The following RIT2 variants were observed in gnomAD, a reference collection of about 807,000 sequenced individuals.
The protein encoded by RIT2 is Ras like without CAAX 2.
RIT2 carries 24 observed loss-of-function variants against 23.7 expected under a neutral mutation model. That is an observed-to-expected ratio of 1.01 (90% CI 0.73 to 1.43). The LOEUF is 1.43. Ranked by LOEUF, RIT2 falls within the 40% of genes most tolerant of loss-of-function variation. RIT2 has a pLI of 0.00. For synonymous variants in RIT2, 107 were observed against 91.1 expected (o/e 1.17, Z -0.99); for missense variants, 236 against 266.9 (o/e 0.88, Z 0.81).
chr18:42,901,169 A>T (rs1908466517), intron 4 of RIT2, among the ~76,000 whole-genome samples: 1 of 152,064 alleles, frequency 6.6e-6, no homozygotes, highest in Non-Finnish European at 1.5e-5. Flanking sequence ...AACATTATTA[A>T]TTGTATTAGA....
intron 4 of RIT2, among the ~76,000 whole-genome samples, chr18:42,871,663 C>T (rs1907624319): frequency 6.6e-6 from 1 of 152,130 alleles, no homozygotes. Flanking sequence ...TATTCCTCAG[C>T]CTGGGCCAAC....
chr18:43,113,982 A>C (rs1914010576), intron 1 of RIT2, among the ~76,000 whole-genome samples: 1 of 152,010 alleles, frequency 6.6e-6, no homozygotes, highest in Admixed American at 6.6e-5. Context: ...TGTAAAGTAT[A>C]ACTTCATTTT....
chr18:42,817,667 G>A (rs1906036413), intron 4 of RIT2, among the ~76,000 whole-genome samples: 1 of 152,048 alleles, frequency 6.6e-6, no homozygotes, highest in Admixed American at 6.6e-5. Flanking sequence ...AGGGGAAGGA[G>A]GGAGGACTTT....
intron 4 of RIT2, among the ~76,000 whole-genome samples, chr18:42,775,171 T>C (rs1373146859): frequency 6.6e-6 from 1 of 152,176 alleles, no homozygotes; most frequent in Non-Finnish European, 1.5e-5. Context: ...CTGAGGGTTC[T>C]GTTCATTGTA....
chr18:43,025,112 G>A (rs1248980383), intron 2 of RIT2, among the ~76,000 whole-genome samples: 1 of 151,738 alleles, frequency 6.6e-6, no homozygotes, highest in Non-Finnish European at 1.5e-5. Flanking sequence ...GGAGGCTGAG[G>A]CAAGAGAATT....
At chr18:42,842,543 T>C (rs1231104726) in intron 4 of RIT2, among the ~76,000 whole-genome samples, 1 of 152,170 alleles carries the variant, frequency 6.6e-6, no homozygotes, top group Non-Finnish European at 1.5e-5. Flanking sequence ...ATAAATATGC[T>C]TCTCAGATAT....
At chr18:43,000,950 C>A (rs1388320190) in intron 2 of RIT2, among the ~76,000 whole-genome samples, 1 of 152,000 alleles carries the variant, frequency 6.6e-6, no homozygotes, top group African/African-American at 2.4e-5. Flanking sequence ...CTCTCTTGGG[C>A]TGTAGGGGGT....
At chr18:43,077,016 T>C (rs1049727116) in intron 1 of RIT2, among the ~76,000 whole-genome samples, 19 of 139,914 alleles carry the variant, frequency 1.4e-4, no homozygotes, top group African/African-American at 5.1e-4. Flanking sequence ...GGCAGGAGAA[T>C]GGCGTGAACC....
intron 4 of RIT2, among the ~76,000 whole-genome samples, chr18:42,789,827 C>T (rs1435339493): frequency 1.3e-5 from 2 of 152,058 alleles, no homozygotes; most frequent in African/African-American, 2.4e-5. Flanking sequence ...TTATCTTGCC[C>T]GATTGCTCTG....
rs11393575 is a variant in RIT2 at position 43,057,798 on chromosome 18, C to CTTTTTTTTTTTTTTTTTTTTTTTTTTTT, written c.104-23932_104-23931insAAAAAAAAAAAAAAAAAAAAAAAAAAAA. ...GAGCTAATCTTCCAAGTGATGGACA[C>CTTTTTTTTTTTTTTTTTTTTTTTTTTTT]TTTTTTTTTTTTTTTTTATCATCTA... On this transcript the variant is annotated intron_variant, in intron 1 of 4. Transcript: ENST00000326695. Among the ~76,000 whole-genome samples the CTTTTTTTTTTTTTTTTTTTTTTTTTTTT allele has an allele frequency of 2.0e-4, 25 of 122,630 alleles. 1 individual carries two copies. The highest frequency in any genetic ancestry group is 5.0e-4 in the Admixed American group (6 of 11,908). 80.5% of individuals were successfully genotyped at this position (122,630 alleles called of 152,430 possible). A position where few individuals can be genotyped will look rare whatever the true frequency, so the allele number is the denominator to read the frequency against.
At chr18:43,081,950 T>TG (rs1298320470) in intron 1 of RIT2, among the ~76,000 whole-genome samples, 1 of 152,150 alleles carries the variant, frequency 6.6e-6, no homozygotes, top group Non-Finnish European at 1.5e-5. Flanking sequence ...AGTAACTGTT[T>TG]AATTCTTAGC....
chr18:42,963,154 A>G (rs1243290515), intron 3 of RIT2, among the ~76,000 whole-genome samples: 1 of 152,118 alleles, frequency 6.6e-6, no homozygotes, highest in African/African-American at 2.4e-5. Flanking sequence ...TCTTTTCCTG[A>G]TTTTCAGATG....
In RIT2 at chr18:42,743,433, C is replaced by T. The variant is rs1001250399; in HGVS notation, c.*60G>A. On this transcript the variant is annotated 3_prime_UTR_variant, in exon 5 of 5. Transcript: ENST00000326695. ...GAGATAATATTGAAGCAGAATGCTA[C>T]ATATGGAATTGTCCAACTAATAAAA... The T allele has an allele frequency of 8.5e-7, 1 of 1,181,008 alleles. No homozygotes were observed. Among genetic ancestry groups the T allele is most frequent in the Non-Finnish European group, 1.3e-6 (1 of 795,424 alleles). The allele number at this position is 1,181,008 out of a possible 1,614,324, so 73.2% of individuals were successfully genotyped here. A position where few individuals can be genotyped will look rare whatever the true frequency, so the allele number is the denominator to read the frequency against.
At chr18:42,993,467 CT>C (rs995785820) in intron 2 of RIT2, among the ~76,000 whole-genome samples, 1 of 152,190 alleles carries the variant, frequency 6.6e-6, no homozygotes, top group African/African-American at 2.4e-5. Flanking sequence ...AAGCTACCCA[CT>C]CCACATTACC....
intron 4 of RIT2, among the ~76,000 whole-genome samples, chr18:42,803,299 C>A (rs1379312207): frequency 6.6e-6 from 1 of 152,098 alleles, no homozygotes; most frequent in Non-Finnish European, 1.5e-5. Flanking sequence ...GAACTTAGAT[C>A]CACCTTATTT....
chr18:42,857,718 T>A (rs1375248235), intron 4 of RIT2, among the ~76,000 whole-genome samples: 2 of 152,180 alleles, frequency 1.3e-5, no homozygotes, highest in Non-Finnish European at 2.9e-5. Context: ...TACATTGATA[T>A]GAAGGGGATC....
At chr18:42,916,959 C>G (rs975857825) in intron 4 of RIT2, among the ~76,000 whole-genome samples, 1 of 152,074 alleles carries the variant, frequency 6.6e-6, no homozygotes, top group Admixed American at 6.6e-5. Context: ...GGCTCCCTAG[C>G]AAGATTTGCC....
chr18:43,079,622 CAG>C (rs1913107360), intron 1 of RIT2, among the ~76,000 whole-genome samples: 1 of 152,146 alleles, frequency 6.6e-6, no homozygotes, highest in Non-Finnish European at 1.5e-5. Flanking sequence ...TGACTTATGA[CAG>C]AGGAATACAA....
intron 4 of RIT2, among the ~76,000 whole-genome samples, chr18:42,757,414 T>C (rs970222022): frequency 1.3e-5 from 2 of 152,134 alleles, no homozygotes; most frequent in Non-Finnish European, 2.9e-5. Flanking sequence ...AAGCTCAAGG[T>C]TCCCCAGAGG....
Sources: allele counts gnomAD v4.1 joint callset (sites outside exome capture counted in the v4.1 genomes callset), GRCh38; gene constraint gnomAD v4.1.1; transcripts MANE v1.5; gene names NCBI Gene and HGNC (gene_info 2026-07-23, HGNC 2026-07-21).